FAM184B: variants seen among roughly 807,000 people sequenced by gnomAD.
The protein encoded by FAM184B is protein FAM184B.
In FAM184B, 111 loss-of-function variants were observed where a neutral mutation model predicts 135.9. The ratio of observed to expected loss-of-function variants is 0.82; its 90% CI spans 0.70 to 0.96. The LOEUF is 0.96. Among genes scored for constraint, FAM184B ranks in the 40% least tolerant of loss-of-function variants. FAM184B has a pLI of 0.00. For missense variants in FAM184B, 1,375 were observed against 1,323.9 expected, an observed-to-expected ratio of 1.04 and a Z score of -0.60; for synonymous variants, 552 against 524.8, an observed-to-expected ratio of 1.05 and a Z score of -0.71.
chr4:17,694,919 T>G (rs915510203), intron 5 of FAM184B, among the ~76,000 whole-genome samples: 1 of 152,150 alleles, frequency 6.6e-6, no homozygotes, highest in African/African-American at 2.4e-5. Flanking sequence ...CTCCAGAAAG[T>G]GACTTTAGAG....
At position 17,639,374 on chromosome 4, in the gene FAM184B, C is replaced by T; in HGVS notation, c.2542G>A (p.Ala848Thr). ...GTCTCCACCTCCCTGGCCCGCTGGG[C>T]TTGCTGAGTCTCCTCCAGGAACCTG... ...QRRFLEETQQ[A>T]QRAREVETLR... Residue 848 changes from alanine to threonine, a missense_variant, in exon 14 of 18, where the codon GCC becomes ACC. Ala to Thr is a moderately conservative substitution (Grantham distance 58). Coordinates refer to ENST00000265018, the MANE Select transcript of FAM184B (RefSeq NM_015688.2). The T allele has an allele frequency of 6.4e-7, 1 of 1,551,674 alleles. No homozygotes were observed. Among genetic ancestry groups the T allele is most frequent in the Non-Finnish European group, 8.7e-7 (1 of 1,147,000 alleles).
At chr4:17,705,638 C>A in intron 4 of FAM184B, 114 bp downstream of exon 4, 1 of 1,271,082 alleles carries the variant, frequency 7.9e-7, no homozygotes. Context: ...ACTACAGGGT[C>A]TTCTGATTCC....
At chr4:17,681,684 A>T (rs1716444821) in intron 7 of FAM184B, among the ~76,000 whole-genome samples, 1 of 152,090 alleles carries the variant, frequency 6.6e-6, no homozygotes, top group Non-Finnish European at 1.5e-5. Context: ...CAGGGCCTCC[A>T]AGGAGTAGGG....
chr4:17,781,404 G>A lies in FAM184B; in HGVS notation c.-105C>T. 2.2e-6 allele frequency: 3 copies of A among 1,349,690 alleles called. No homozygotes were observed. The highest frequency in any genetic ancestry group is 1.9e-6 in the Non-Finnish European group (2 of 1,034,646). 83.6% of individuals were successfully genotyped at this position (1,349,690 alleles called of 1,614,324 possible). ...CGAGCGTGTGGGTTTCTCGGGAGAG[G>A]TGGCACTGCAGTCCCGTCGCCTGCA... On this transcript the variant is annotated 5_prime_UTR_variant, in exon 1 of 18. Coordinates refer to ENST00000265018, the MANE Select transcript of FAM184B (RefSeq NM_015688.2). This position sits in a 1 kb window ranked among gnomAD's most constrained non-coding sequence, Gnocchi z 6.5.
At chr4:17,761,850 A>C (rs1039190101) in intron 1 of FAM184B, among the ~76,000 whole-genome samples, 16 of 151,924 alleles carry the variant, frequency 1.1e-4, no homozygotes, top group African/African-American at 3.6e-4. Context: ...TCAGGCCTCA[A>C]CCCACCTTAC....
chr4:17,774,992 CTTTTTTTTT>C (rs71167338), intron 1 of FAM184B, among the ~76,000 whole-genome samples: 1 of 81,750 alleles, frequency 1.2e-5, no homozygotes, highest in African/African-American at 5.1e-5. Flanking sequence ...TTTTCCTTTT[CTTTTTTTTT>C]TTTTTTTTTT....
At chr4:17,638,660 T>A (rs6449319) in intron 14 of FAM184B, among the ~76,000 whole-genome samples, 92,943 of 152,096 alleles carry the variant, frequency 0.61, 28,919 homozygotes, top group East Asian at 0.89. Flanking sequence ...TGCAATATGT[T>A]TGCATGAGGG....
At chr4:17,671,805 A>G (rs1716173758) in intron 7 of FAM184B, among the ~76,000 whole-genome samples, 1 of 152,032 alleles carries the variant, frequency 6.6e-6, no homozygotes, top group Non-Finnish European at 1.5e-5. Context: ...TTAAAGTACC[A>G]GAAGAAATCA....
chr4:17,644,030 C>T (rs939226964), intron 12 of FAM184B, among the ~76,000 whole-genome samples: 20 of 152,162 alleles, frequency 1.3e-4, no homozygotes, highest in Non-Finnish European at 2.5e-4. Flanking sequence ...CCAGGGAAGG[C>T]CCCCAGCATG....
At chr4:17,735,209 A>T (rs1259644993) in intron 1 of FAM184B, among the ~76,000 whole-genome samples, 1 of 152,096 alleles carries the variant, frequency 6.6e-6, no homozygotes, top group South Asian at 2.1e-4. Context: ...GAGGGATAGC[A>T]TTAGGAGATA....
chr4:17,640,737 T>C (rs1194892480), intron 13 of FAM184B, among the ~76,000 whole-genome samples: 1 of 152,146 alleles, frequency 6.6e-6, no homozygotes, highest in Non-Finnish European at 1.5e-5. Flanking sequence ...ATATGAAATA[T>C]CCTGTGTCTT....
At chr4:17,731,463 A>G (rs1717773024) in intron 1 of FAM184B, among the ~76,000 whole-genome samples, 1 of 152,240 alleles carries the variant, frequency 6.6e-6, no homozygotes, top group South Asian at 2.1e-4. Context: ...CATAGGCTCA[A>G]AATAAAGGGA....
chr4:17,694,289 C>T (rs543372743), intron 5 of FAM184B, among the ~76,000 whole-genome samples: 4 of 152,156 alleles, frequency 2.6e-5, no homozygotes, highest in African/African-American at 9.6e-5. Context: ...TTTGGGAGGC[C>T]GAGGTGGGTG....
chr4:17,705,969 C>T (rs1229568287), intron 3 of FAM184B, 78 bp from the exon 4 acceptor site: 8 of 1,522,612 alleles, frequency 5.3e-6, no homozygotes, highest in Non-Finnish European at 7.1e-6. Flanking sequence ...CTGTCAGGCC[C>T]CCGTTCCGCT....
At chr4:17,745,851 T>A (rs1718147640) in intron 1 of FAM184B, among the ~76,000 whole-genome samples, 1 of 152,232 alleles carries the variant, frequency 6.6e-6, no homozygotes, top group Non-Finnish European at 1.5e-5. Flanking sequence ...TTTAGAGAGT[T>A]ATCCCTGTTT....
Position 17,652,218 on chromosome 4 carries a change from G to A in FAM184B, c.2191+612C>T, listed in dbSNP as rs181210377. ...CGGCTCAGTACAAGCTCTGCCTCCC[G>A]GGTTCACGCCATTCTCCTGCCTCAG... On this transcript the variant is annotated intron_variant, in intron 11 of 17. Coordinates refer to ENST00000265018, the MANE Select transcript of FAM184B (RefSeq NM_015688.2). 1.4e-4 allele frequency among the ~76,000 whole-genome samples: 20 copies of A among 141,440 alleles called. No homozygotes were observed. The East Asian group carries it at 2.6e-3, about 18-fold the overall frequency. 92.8% of individuals were successfully genotyped at this position (141,440 alleles called of 152,430 possible).
At chr4:17,751,866 C>CACACACAA (rs1312940744) in intron 1 of FAM184B, among the ~76,000 whole-genome samples, 1 of 143,208 alleles carries the variant, frequency 7.0e-6, no homozygotes, top group Non-Finnish European at 1.5e-5. Context: ...CACACACACA[C>CACACACAA]AAAAGAACCA....
intron 1 of FAM184B, among the ~76,000 whole-genome samples, chr4:17,738,017 A>G (rs1011654394): frequency 3.9e-5 from 6 of 152,172 alleles, no homozygotes; most frequent in Non-Finnish European, 8.8e-5. Flanking sequence ...GTTTTCCCAG[A>G]GAGCATAATA....
rs140617052 is a variant in FAM184B, at chr4:17,684,881, T to C, written c.1596+3543A>G. Among the ~76,000 whole-genome samples, 246 of 152,302 alleles carry C rather than the reference T, an allele frequency of 1.6e-3. 2 individuals are homozygous for C. In the East Asian group the frequency reaches 0.026, roughly 16 times the overall value. On this transcript the variant is annotated intron_variant, in intron 7 of 17. Coordinates refer to ENST00000265018, the MANE Select transcript of FAM184B (RefSeq NM_015688.2). ...TGCAGCCATAAAAAGGAATGAGATA[T>C]GTCCTTTGCAGGGACATGGATGAAG... is the stretch of plus-strand genomic sequence containing the variant.
Sources: gnomAD v4.1 joint callset for allele counts (sites outside exome capture counted in the v4.1 genomes callset) on GRCh38, gnomAD v4.1.1 for gene constraint, Gnocchi (gnomAD v3.1) non-coding constraint, MANE v1.5 for transcripts, NCBI Gene and HGNC (gene_info 2026-07-23, HGNC 2026-07-21) for gene names.